The following SEMA6D variants were observed in gnomAD, a reference collection of about 807,000 sequenced individuals.
SEMA6D encodes the protein semaphorin 6D.
A neutral mutation model predicts 106.6 loss-of-function variants in SEMA6D; 35 were observed. The ratio of observed to expected loss-of-function variants is 0.33; its 90% CI spans 0.25 to 0.44. SEMA6D has a LOEUF of 0.44. Among genes scored for constraint, SEMA6D ranks in the 20% least tolerant of loss-of-function variants. The probability of loss-of-function intolerance (pLI) is 1.00; values close to 1 mark genes in which losing one functional copy is unlikely to be tolerated. For synonymous variants in SEMA6D, 499 were observed against 487.7 expected, an observed-to-expected ratio of 1.02 and a Z score of -0.31; for missense variants, 1,185 against 1,345.9, an observed-to-expected ratio of 0.88 and a Z score of 1.87.
rs569779773 is a variant in SEMA6D, at chr15:47,192,160, CA to C, written c.-239+7743del. ...TGATACTTTCTCCTCTCTCCTTAAACACTCAGTGCCTCTGTCTACACCCTCA... is the reference window on the plus strand; with the variant it reads ...TGATACTTTCTCCTCTCTCCTTAAACCTCAGTGCCTCTGTCTACACCCTCA... On this transcript the variant is annotated intron_variant, in intron 1 of 19. Transcript: ENST00000558014. Among the ~76,000 whole-genome samples, 190 of 152,264 alleles carry C rather than the reference CA, an allele frequency of 1.2e-3. 1 individual carries two copies. Among genetic ancestry groups the C allele is most frequent in the African/African-American group, 4.4e-3 (184 of 41,532 alleles).
chr15:47,699,123 G>A (rs1032840093), intron 4 of SEMA6D, among the ~76,000 whole-genome samples: 1 of 152,140 alleles, frequency 6.6e-6, no homozygotes. Flanking sequence ...AGTCTAGTAA[G>A]GACAAGAAGG....
chr15:47,212,743 G>T (rs1215374104), intron 1 of SEMA6D, among the ~76,000 whole-genome samples: 1 of 152,128 alleles, frequency 6.6e-6, no homozygotes. Flanking sequence ...CTTTTCCGAT[G>T]AGAGGAAGGT....
At chr15:47,681,352 G>A (rs2078348930) in intron 4 of SEMA6D, among the ~76,000 whole-genome samples, 1 of 152,188 alleles carries the variant, frequency 6.6e-6, no homozygotes, top group South Asian at 2.1e-4. Flanking sequence ...GTCACAGAAG[G>A]ACAAATACTG....
At chr15:47,425,070 C>T (rs2041286595) in intron 2 of SEMA6D, among the ~76,000 whole-genome samples, 1 of 152,038 alleles carries the variant, frequency 6.6e-6, no homozygotes, top group South Asian at 2.1e-4. Context: ...GTGAACTTGT[C>T]TTATTATGCA....
At chr15:47,365,813 A>T (rs2038989639) in intron 1 of SEMA6D, among the ~76,000 whole-genome samples, 1 of 151,396 alleles carries the variant, frequency 6.6e-6, no homozygotes, top group Admixed American at 6.6e-5. Context: ...GTGAGCCGAG[A>T]TCACGCCACT....
intron 4 of SEMA6D, among the ~76,000 whole-genome samples, chr15:47,694,781 G>A (rs1347665049): frequency 6.6e-6 from 1 of 152,216 alleles, no homozygotes; most frequent in East Asian, 1.9e-4. Context: ...GAATATGGCA[G>A]CTTTTCTCAA....
intron 4 of SEMA6D, among the ~76,000 whole-genome samples, chr15:47,707,043 G>C (rs2078925649): frequency 6.6e-6 from 1 of 152,196 alleles, no homozygotes; most frequent in African/African-American, 2.4e-5. Context: ...AAGAGAATTG[G>C]AAGTGATCTA....
chr15:47,735,784 T>A (rs1203323431), intron 1 of SEMA6D, among the ~76,000 whole-genome samples: 5 of 152,168 alleles, frequency 3.3e-5, no homozygotes, highest in Non-Finnish European at 7.4e-5. Flanking sequence ...AGCTTTTCCG[T>A]AATGGTGAAA....
At chr15:47,190,909 C>T (rs1188654850) in intron 1 of SEMA6D, among the ~76,000 whole-genome samples, 2 of 152,118 alleles carry the variant, frequency 1.3e-5, no homozygotes, top group African/African-American at 2.4e-5. Flanking sequence ...GTGGCTCATA[C>T]CTGTAATCGC....
At chr15:47,407,396 ACAACAACAACAAC>A (rs2040619667) in intron 1 of SEMA6D, among the ~76,000 whole-genome samples, 1 of 138,138 alleles carries the variant, frequency 7.2e-6, no homozygotes, top group Non-Finnish European at 1.6e-5. Flanking sequence ...AACCAAAACA[ACAACAACAACAAC>A]AAAAAAAACA....
At chr15:47,452,011 A>G (rs1395054206) in intron 2 of SEMA6D, among the ~76,000 whole-genome samples, 3 of 151,954 alleles carry the variant, frequency 2.0e-5, no homozygotes, top group African/African-American at 7.2e-5. Flanking sequence ...TGTGAAGGCC[A>G]TTGGTACTTA....
intron 3 of SEMA6D, among the ~76,000 whole-genome samples, chr15:47,517,592 G>C: frequency 6.6e-6 from 1 of 152,070 alleles, no homozygotes; most frequent in East Asian, 1.9e-4. Context: ...TGGTCGTGTT[G>C]TTGCTTATTT....
chr15:47,579,104 A>T (rs903887183), intron 3 of SEMA6D, among the ~76,000 whole-genome samples: 3 of 148,258 alleles, frequency 2.0e-5, no homozygotes, highest in Middle Eastern at 3.6e-3. Flanking sequence ...TGAAAGTTAC[A>T]CTCTGTAGGC....
intron 1 of SEMA6D, among the ~76,000 whole-genome samples, chr15:47,390,647 A>T (rs1173324010): frequency 6.6e-6 from 1 of 152,180 alleles, no homozygotes; most frequent in Non-Finnish European, 1.5e-5. Context: ...ATGTAATTCC[A>T]TCAAGCTCTA....
At chr15:47,303,186 C>T (rs78418872) in intron 1 of SEMA6D, among the ~76,000 whole-genome samples, 1 of 152,322 alleles carries the variant, frequency 6.6e-6, no homozygotes, top group African/African-American at 2.4e-5. Context: ...AGACCTTCAT[C>T]ACCGCCTTGT....
chr15:47,735,694 C>G (rs1037579117), intron 1 of SEMA6D, among the ~76,000 whole-genome samples: 7 of 152,170 alleles, frequency 4.6e-5, no homozygotes, highest in Admixed American at 3.3e-4. Flanking sequence ...CAGAGTGTCT[C>G]TAATCACCCG....
At chr15:47,666,173 C>T (rs1457450924) in intron 4 of SEMA6D, among the ~76,000 whole-genome samples, 1 of 152,168 alleles carries the variant, frequency 6.6e-6, no homozygotes, top group Non-Finnish European at 1.5e-5. Flanking sequence ...AAATGTTTTG[C>T]GTACAAACTT....
At chr15:47,590,357 A>G (rs1339700668) in intron 3 of SEMA6D, among the ~76,000 whole-genome samples, 1 of 148,974 alleles carries the variant, frequency 6.7e-6, no homozygotes, top group Non-Finnish European at 1.5e-5. Context: ...AGGGCGGGGA[A>G]CATCACACAC....
At chr15:47,630,854 C>T (rs1212802130) in intron 4 of SEMA6D, among the ~76,000 whole-genome samples, 1 of 151,782 alleles carries the variant, frequency 6.6e-6, no homozygotes, top group Non-Finnish European at 1.5e-5. Flanking sequence ...TTGATATGAT[C>T]GTGTGATTTT....
Sources: allele counts gnomAD v4.1 joint callset (sites outside exome capture counted in the v4.1 genomes callset), GRCh38; gene constraint gnomAD v4.1.1; transcripts MANE v1.5; gene names NCBI Gene and HGNC (gene_info 2026-07-23, HGNC 2026-07-21).